Variants in DYSF observed in about 807,000 individuals in gnomAD.
DYSF encodes the protein dysferlin, also known as dystrophy-associated fer-1-like 1.
Under a neutral mutation model 274.9 loss-of-function variants are expected in DYSF, and 212 were observed. The ratio of observed to expected loss-of-function variants is 0.77; its 90% CI spans 0.69 to 0.86. The LOEUF is 0.86. DYSF is among the 40% of genes least tolerant of loss of function. The pLI is 0.00. For synonymous variants in DYSF, 1,091 were observed against 1,078.7 expected, an observed-to-expected ratio of 1.01 and a Z score of -0.22; for missense variants, 2,666 against 2,783.2, an observed-to-expected ratio of 0.96 and a Z score of 0.95.
At chr2:71,539,458 C>A (rs1421569517) in intron 17 of DYSF, among the ~76,000 whole-genome samples, 1 of 152,146 alleles carries the variant, frequency 6.6e-6, no homozygotes, top group Non-Finnish European at 1.5e-5. Context: ...CACTGAAGGG[C>A]ACAAAGAGGA....
intron 39 of DYSF, 67 bp from the exon 40 acceptor site, chr2:71,613,266 TG>T: frequency 6.9e-7 from 1 of 1,458,392 alleles, no homozygotes; most frequent in Non-Finnish European, 9.5e-7. Context: ...GGTTGAGCCC[TG>T]GGGCTGGTGA....
At chr2:71,510,561 G>A (rs551424517) in intron 4 of DYSF, among the ~76,000 whole-genome samples, 1 of 152,306 alleles carries the variant, frequency 6.6e-6, no homozygotes, top group East Asian at 1.9e-4. Flanking sequence ...TTCCACCAGT[G>A]CTGCTCTCCT....
intron 4 of DYSF, 35 bp downstream of exon 4, chr2:71,503,354 CA>C: frequency 6.2e-7 from 1 of 1,605,830 alleles, no homozygotes; most frequent in East Asian, 2.2e-5. Flanking sequence ...GGTTAAGGTC[CA>C]AGGCATTGCC....
At chr2:71,472,071 T>C (rs370156948) in intron 1 of DYSF, among the ~76,000 whole-genome samples, 371 of 152,358 alleles carry the variant, frequency 2.4e-3, no homozygotes, top group African/African-American at 8.5e-3. Flanking sequence ...TTTTCTTATA[T>C]GGATGCACCA....
chr2:71,475,220 G>A (rs551967309), intron 1 of DYSF, among the ~76,000 whole-genome samples: 27 of 152,248 alleles, frequency 1.8e-4, no homozygotes, highest in African/African-American at 6.5e-4. Context: ...CTGACAAACA[G>A]CCACACCATG....
At chr2:71,673,846 A>C (rs567535035) in intron 51 of DYSF, among the ~76,000 whole-genome samples, 2 of 152,012 alleles carry the variant, frequency 1.3e-5, no homozygotes, top group Admixed American at 1.3e-4. Context: ...AGGAAGCACT[A>C]TATTAATGTT....
chr2:71,486,529 T>C (rs1388024635), intron 3 of DYSF, among the ~76,000 whole-genome samples: 2 of 152,194 alleles, frequency 1.3e-5, no homozygotes, highest in African/African-American at 2.4e-5. Flanking sequence ...GGGTTTTCCC[T>C]GATGATCACT....
At chr2:71,504,638 G>A (rs1227649486) in intron 4 of DYSF, among the ~76,000 whole-genome samples, 1 of 152,184 alleles carries the variant, frequency 6.6e-6, no homozygotes, top group African/African-American at 2.4e-5. Context: ...GGCAGCTGGC[G>A]AGAGAAAGCC....
intron 45 of DYSF, among the ~76,000 whole-genome samples, chr2:71,661,948 C>T (rs555794944): frequency 7.9e-5 from 12 of 152,154 alleles, no homozygotes; most frequent in Admixed American, 1.3e-4. Context: ...CAGGGGCTGG[C>T]GAGCTCCAGG....
intron 1 of DYSF, among the ~76,000 whole-genome samples, chr2:71,456,315 T>G (rs1340882246): frequency 1.3e-5 from 2 of 152,152 alleles, no homozygotes; most frequent in Non-Finnish European, 2.9e-5. Context: ...TCCTGGGGAA[T>G]GCAGTCCCTC....
Position 71,674,250 on chromosome 2 carries a change from G to A in DYSF, c.5838G>A (p.Val1946=), listed in dbSNP as rs780912992. Residue 1946 remains valine, a synonymous_variant, in exon 52 of 56, where the codon GTG becomes GTA. Coordinates refer to ENST00000410020, the MANE Select transcript of DYSF (RefSeq NM_001130987.2). ...AGAGCAAAATCCCAGCACGAGTGGT[G>A]TTCCAGATCTGGGACAATGACAAGT... The part of the protein sequence containing the change: ...KTESKIPARV[V]FQIWDNDKFS... The A allele has an allele frequency of 1.7e-5, 28 of 1,614,146 alleles. No homozygotes were observed. The highest frequency in any genetic ancestry group is 2.2e-5 in the East Asian group (1 of 44,900).
At chr2:71,552,869 G>C (rs2091046072) in intron 19 of DYSF, 142 bp from the exon 20 acceptor site, 1 of 795,616 alleles carries the variant, frequency 1.3e-6, no homozygotes, top group Non-Finnish European at 2.2e-6. Context: ...TTTCTTTCTT[G>C]GGCTACTTGC....
At chr2:71,512,584 T>C (rs1224311559) in intron 5 of DYSF, among the ~76,000 whole-genome samples, 43 of 152,236 alleles carry the variant, frequency 2.8e-4, no homozygotes, top group Non-Finnish European at 2.9e-5. Context: ...GGTGGCTGGC[T>C]CTCCACTGGT....
Position 71,569,833 on chromosome 2 carries a change from A to T in DYSF, c.2878A>T (p.Met960Leu), listed in dbSNP as rs1487749145. ...CCTCCTCCACAGTCTGCTCCATGAC[A>T]TGGACGCCGGTCACCTGAGCTTCGT... ...VCPEKTLLHD[M>L]DAGHLSFVEE... is the part of the protein sequence containing the mutation. Residue 960 changes from methionine (M) to leucine (L), a missense_variant, in exon 27 of 56, where the codon ATG becomes TTG. Met to Leu is a conservative substitution (Grantham distance 15). Transcript: ENST00000410020. 1.9e-6 allele frequency: 3 copies of T among 1,613,840 alleles called. No individual in the cohort carries two copies. The highest frequency in any genetic ancestry group is 2.5e-6 in the Non-Finnish European group (3 of 1,179,986).
intron 24 of DYSF, 42 bp downstream of exon 24, chr2:71,564,255 A>T (rs2091954724): frequency 1.2e-6 from 2 of 1,612,394 alleles, no homozygotes; most frequent in Middle Eastern, 1.7e-4. Context: ...TATTTTTCCC[A>T]ACATAAGGCC....
At chr2:71,616,819 T>C (rs1378269184) in intron 40 of DYSF, among the ~76,000 whole-genome samples, 1 of 152,228 alleles carries the variant, frequency 6.6e-6, no homozygotes, top group Non-Finnish European at 1.5e-5. Context: ...ATTGTCATTC[T>C]TTCCTCTTCT....
chr2:71,549,527 T>C, intron 17 of DYSF: 1 of 809,634 alleles, frequency 1.2e-6, no homozygotes, highest in Non-Finnish European at 2.0e-6. Flanking sequence ...GGTAAGTCCC[T>C]GGACTTACCT....
At chr2:71,517,230 A>T (rs909958619) in intron 10 of DYSF, among the ~76,000 whole-genome samples, 191 bp downstream of exon 10, 3 of 152,224 alleles carry the variant, frequency 2.0e-5, no homozygotes, top group African/African-American at 7.2e-5. Context: ...ACAAAGGTAG[A>T]AGAGAAAGAA....
chr2:71,597,165 T>G (rs568594849), intron 32 of DYSF, among the ~76,000 whole-genome samples: 1 of 152,334 alleles, frequency 6.6e-6, no homozygotes, highest in African/African-American at 2.4e-5. Flanking sequence ...ACCTGCATCC[T>G]TCTGAGGCCA....
Sources: allele counts gnomAD v4.1 joint callset (sites outside exome capture counted in the v4.1 genomes callset), GRCh38; gene constraint gnomAD v4.1.1; transcripts MANE v1.5; gene names NCBI Gene and HGNC (gene_info 2026-07-23, HGNC 2026-07-21).